The following BEGAIN variants were observed in gnomAD, a reference collection of about 807,000 sequenced individuals.
BEGAIN encodes brain enriched guanylate kinase associated.
Under a neutral mutation model 35.8 loss-of-function variants are expected in BEGAIN, and 19 were observed. The ratio of observed to expected loss-of-function variants is 0.53; its 90% confidence interval spans 0.37 to 0.78. The LOEUF (loss-of-function observed/expected upper bound fraction) is 0.78, where lower values mean the gene tolerates loss of function less well. BEGAIN is among the 30% of genes least tolerant of loss of function. BEGAIN has a pLI of 0.00. For missense variants in BEGAIN, 795 were observed against 853.6 expected (o/e 0.93, Z 0.85); for synonymous variants, 462 against 388.6 (o/e 1.19, Z -2.22).
chr14:100,577,646 A>T, intron 1 of BEGAIN: 1 of 399,038 alleles, frequency 2.5e-6, no homozygotes. Context: ...GCCTCCCGCC[A>T]GCGGCCCAGG....
chr14:100,566,049 C>T (rs544237313), intron 2 of BEGAIN, among the ~76,000 whole-genome samples: 7 of 152,238 alleles, frequency 4.6e-5, no homozygotes, highest in Non-Finnish European at 1.0e-4. Flanking sequence ...CTGGAAAAGC[C>T]CTTCAGGCAA....
intron 1 of BEGAIN, among the ~76,000 whole-genome samples, chr14:100,574,095 T>G (rs962641728): frequency 1.8e-4 from 28 of 152,132 alleles, no homozygotes; most frequent in African/African-American, 6.3e-4. Context: ...ACCCCAGGCA[T>G]CCCCAAGGGC....
rs1366142629 is a variant in BEGAIN at position 100,568,224 on chromosome 14, G to T, written c.43-285C>A. The T allele has an allele frequency of 4.5e-6, 3 of 673,948 alleles. No homozygotes were observed. Among genetic ancestry groups the T allele is most frequent in the Non-Finnish European group, 6.0e-6 (3 of 501,324 alleles). 41.7% of individuals were successfully genotyped at this position (673,948 alleles called of 1,614,324 possible). A position where few individuals can be genotyped will look rare whatever the true frequency, so the allele number is the denominator to read the frequency against. On this transcript the variant is annotated intron_variant, in intron 1 of 6. Coordinates refer to ENST00000554140, the MANE Select transcript of BEGAIN (RefSeq NM_001385089.1). This position sits in a 1 kb window ranked among gnomAD's most constrained non-coding sequence, Gnocchi z 7.5. Reference sequence around the variant, plus strand: ...AGAAGGGGCCGGCCCGGGATGGCCCGGCCAGGGGCGATCTCGGCCTCGCCC... The same window carrying T: ...AGAAGGGGCCGGCCCGGGATGGCCCTGCCAGGGGCGATCTCGGCCTCGCCC...
At chr14:100,585,367 CTCCCTCCCTCCCATCCATCCA>C (rs2035418123) in intron 1 of BEGAIN, among the ~76,000 whole-genome samples, 1 of 70,746 alleles carries the variant, frequency 1.4e-5, no homozygotes, top group African/African-American at 5.9e-5. Context: ...CCATCCCTCC[CTCCCTCCCTCCCATCCATCCA>C]TCCCTCCCAT....
At chr14:100,544,890 C>T (rs2032165235) in intron 4 of BEGAIN, 110 bp downstream of exon 4, 1 of 1,085,738 alleles carries the variant, frequency 9.2e-7, no homozygotes, top group Non-Finnish European at 1.4e-6. Flanking sequence ...AGGGGTGGGA[C>T]CAGCAAGACC....
chr14:100,560,871 G>A (rs1030985339), intron 2 of BEGAIN, among the ~76,000 whole-genome samples: 3 of 152,162 alleles, frequency 2.0e-5, no homozygotes, highest in Admixed American at 6.5e-5. Flanking sequence ...AGCTGCCCTC[G>A]ACACGAGCCC....
At chr14:100,569,101 T>G in intron 1 of BEGAIN, 10 of 209,922 alleles carry the variant, frequency 4.8e-5, no homozygotes, top group South Asian at 1.7e-4. Context: ...ACTTCCCGGG[T>G]GCTCGGGCCG....
intron 6 of BEGAIN, among the ~76,000 whole-genome samples, chr14:100,539,876 A>G (rs1365484161): frequency 6.6e-6 from 1 of 151,556 alleles, no homozygotes; most frequent in African/African-American, 2.4e-5. Context: ...TGTTTGATCT[A>G]TTTTGTGAGT....
chr14:100,584,386 GA>G (rs1254153631), intron 1 of BEGAIN, among the ~76,000 whole-genome samples: 1 of 152,226 alleles, frequency 6.6e-6, no homozygotes, highest in Non-Finnish European at 1.5e-5. Context: ...TTCCTGGCTA[GA>G]GGGGAGAGAA....
chr14:100,569,082 C>CGGCCACCA (rs1486047338), intron 1 of BEGAIN: 1 of 323,560 alleles, frequency 3.1e-6, no homozygotes, highest in Non-Finnish European at 4.4e-6. Context: ...CGGCCAGGCT[C>CGGCCACCA]GGCCACCAAC....
intron 2 of BEGAIN, among the ~76,000 whole-genome samples, chr14:100,553,217 C>A (rs2033376913): frequency 6.6e-6 from 1 of 152,074 alleles, no homozygotes; most frequent in African/African-American, 2.4e-5. Flanking sequence ...CAGGCATGGA[C>A]CACAAGGTGC....
chr14:100,562,562 C>A (rs73352948), intron 2 of BEGAIN, among the ~76,000 whole-genome samples: 52 of 151,784 alleles, frequency 3.4e-4, no homozygotes, highest in African/African-American at 1.2e-3. Flanking sequence ...CCCCACACCC[C>A]ATGTCACCCC....
Position 100,538,511 on chromosome 14 carries a change from T to A in BEGAIN, c.1297A>T (p.Met433Leu). The A allele has an allele frequency of 6.5e-7, 1 of 1,528,786 alleles. No homozygotes were observed. The highest frequency in any genetic ancestry group is 8.8e-7 in the Non-Finnish European group (1 of 1,142,252). 94.7% of individuals were successfully genotyped at this position (1,528,786 alleles called of 1,614,324 possible). ...CTCAGGGGACGCCACTGGCCCCTCA[T>A]GTCCTCCCCGGGGAGCCGGGCGGTC... ...PGTARLPGED[M>L]RGQWRPLSVE... is the part of the protein sequence containing the mutation. Residue 433 changes from methionine to leucine, a missense_variant, in exon 7 of 7, where the codon ATG becomes TTG. Coordinates refer to ENST00000554140, the MANE Select transcript of BEGAIN (RefSeq NM_001385089.1).
At chr14:100,548,854 C>T (rs1190876584) in intron 2 of BEGAIN, 1 of 152,266 alleles carries the variant, frequency 6.6e-6, no homozygotes, top group Non-Finnish European at 1.5e-5. Flanking sequence ...CAGTTTACCC[C>T]TGGCCTTTGG....
At chr14:100,543,096 C>A (rs1421581423) in intron 5 of BEGAIN, among the ~76,000 whole-genome samples, 1 of 152,242 alleles carries the variant, frequency 6.6e-6, no homozygotes, top group Non-Finnish European at 1.5e-5. Context: ...CCACGGATGT[C>A]TGCATGGCTG....
intron 2 of BEGAIN, among the ~76,000 whole-genome samples, chr14:100,553,863 C>T (rs376410900): frequency 2.2e-4 from 34 of 152,354 alleles, no homozygotes; most frequent in African/African-American, 7.2e-4. Context: ...CCAGAGGGCG[C>T]GTCCAAACAG....
chr14:100,555,854 T>A (rs1193863621), intron 2 of BEGAIN, among the ~76,000 whole-genome samples: 42 of 152,084 alleles, frequency 2.8e-4, no homozygotes, highest in Admixed American at 2.7e-3. Context: ...GCCTGGGCAA[T>A]CCCGTGGCTG....
At position 100,563,913 on chromosome 14, in the gene BEGAIN, C is replaced by T. The variant is rs2034480273; in HGVS notation, c.71+3998G>A. On this transcript the variant is annotated intron_variant, in intron 2 of 6. Coordinates refer to ENST00000554140, the MANE Select transcript of BEGAIN (RefSeq NM_001385089.1). This position sits in a 1 kb window ranked among gnomAD's most constrained non-coding sequence, Gnocchi z 4.2. ...ATAGTTTTGGTGAAAAAAAGCCACC[C>T]CCAAAACACAGGCTGAAGGAATCCA... 6.6e-6 allele frequency among the ~76,000 whole-genome samples: 1 copy of T among 152,202 alleles called. No individual in the cohort carries two copies. Among genetic ancestry groups the T allele is most frequent in the Non-Finnish European group, 1.5e-5 (1 of 68,050 alleles).
chr14:100,561,359 C>CAT (rs2034239047), intron 2 of BEGAIN, among the ~76,000 whole-genome samples: 1 of 152,184 alleles, frequency 6.6e-6, no homozygotes, highest in Non-Finnish European at 1.5e-5. Context: ...AGGTGCATGA[C>CAT]CCCAGCGTGC....
Sources: gnomAD v4.1 joint callset for allele counts (sites outside exome capture counted in the v4.1 genomes callset) on GRCh38, gnomAD v4.1.1 for gene constraint, Gnocchi (gnomAD v3.1) non-coding constraint, MANE v1.5 for transcripts, NCBI Gene and HGNC (gene_info 2026-07-23, HGNC 2026-07-21) for gene names.